Variants in ROBO1 observed in about 807,000 individuals in gnomAD.
The protein encoded by ROBO1 is roundabout guidance receptor 1, also known as roundabout homolog 1.
In ROBO1, 149 loss-of-function variants were observed where a neutral mutation model predicts 195.9. That is an observed-to-expected ratio of 0.76 (90% confidence interval 0.67 to 0.87). The LOEUF (loss-of-function observed/expected upper bound fraction) is 0.87. ROBO1 is among the 40% of genes least tolerant of loss of function. ROBO1 has a pLI of 0.00. For synonymous variants in ROBO1, 816 were observed against 733.2 expected (o/e 1.11, Z -1.82); for missense variants, 1,933 against 2,068.3 (o/e 0.93, Z 1.27).
At chr3:79,503,321 G>A (rs1462638109) in intron 2 of ROBO1, among the ~76,000 whole-genome samples, 2 of 152,212 alleles carry the variant, frequency 1.3e-5, no homozygotes, top group Middle Eastern at 3.4e-3. Flanking sequence ...AAGAAACTCC[G>A]AACACATGGG....
At chr3:79,742,279 G>A (rs900910588) in intron 1 of ROBO1, among the ~76,000 whole-genome samples, 1 of 152,156 alleles carries the variant, frequency 6.6e-6, no homozygotes, top group African/African-American at 2.4e-5. Flanking sequence ...CAGGCATGGG[G>A]GCCTAAGAGG....
intron 3 of ROBO1, among the ~76,000 whole-genome samples, chr3:79,026,472 C>A (rs1169287410): frequency 6.6e-6 from 1 of 151,986 alleles, no homozygotes; most frequent in Non-Finnish European, 1.5e-5. Flanking sequence ...GAAGTATATG[C>A]ATTTTTAGTT....
At chr3:78,976,093 G>T (rs1327469383) in intron 3 of ROBO1, among the ~76,000 whole-genome samples, 1 of 152,074 alleles carries the variant, frequency 6.6e-6, no homozygotes, top group African/African-American at 2.4e-5. Flanking sequence ...ATAGGCTATG[G>T]CATCGAATAA....
In ROBO1 at chr3:79,176,275, A is replaced by T. The variant is rs546873854; in HGVS notation, c.89-50736T>A. ...ATATCTAAAGGTAAAGCTTCAGAAGATGTCTTCTCTCTCTGCTTAATGTCA... is the reference window on the plus strand; with the variant it reads ...ATATCTAAAGGTAAAGCTTCAGAAGTTGTCTTCTCTCTCTGCTTAATGTCA... On this transcript the variant is annotated intron_variant, in intron 2 of 30. Coordinates refer to ENST00000464233, the MANE Select transcript of ROBO1 (RefSeq NM_002941.4). Among the ~76,000 whole-genome samples the T allele has an allele frequency of 2.0e-5, 3 of 152,300 alleles. No homozygotes were observed. In the East Asian group the frequency reaches 5.8e-4, roughly 29 times the overall value.
chr3:78,809,126 T>C (rs1359703663), intron 4 of ROBO1, among the ~76,000 whole-genome samples: 3 of 151,450 alleles, frequency 2.0e-5, no homozygotes, highest in Admixed American at 2.0e-4. Context: ...ATCCAGAATC[T>C]ATAAAGAACT....
chr3:79,192,945 C>T (rs1473012106), intron 2 of ROBO1, among the ~76,000 whole-genome samples: 2 of 151,336 alleles, frequency 1.3e-5, no homozygotes, highest in Non-Finnish European at 1.5e-5. Flanking sequence ...ACCAGAGAGG[C>T]GGTAGCAGAG....
chr3:79,306,272 A>G (rs1273359995), intron 2 of ROBO1, among the ~76,000 whole-genome samples: 1 of 152,240 alleles, frequency 6.6e-6, no homozygotes, highest in African/African-American at 2.4e-5. Context: ...TGGAAGGGGA[A>G]GAAGATAGGT....
chr3:78,771,955 T>G (rs763404699), intron 4 of ROBO1, among the ~76,000 whole-genome samples: 2 of 152,138 alleles, frequency 1.3e-5, no homozygotes, highest in African/African-American at 4.8e-5. Flanking sequence ...TTCACATTGC[T>G]ATTAAAACAA....
rs145169929 is a variant in ROBO1 at position 79,637,937 on chromosome 3, G to T, written c.-50-47976C>A. The stretch of plus-strand genomic sequence containing the variant: ...TTTTTTTAATTTTTTTATATGGATG[G>T]TTAGTATAAAGTGAATGTTGAGTAT... On this transcript the variant is annotated intron_variant, in intron 1 of 30. Coordinates refer to ENST00000464233, the MANE Select transcript of ROBO1 (RefSeq NM_002941.4). 1.2e-3 allele frequency among the ~76,000 whole-genome samples: 178 copies of T among 152,170 alleles called. 2 individuals are homozygous for T. The highest frequency in any genetic ancestry group is 3.9e-3 in the African/African-American group (164 of 41,546).
chr3:79,337,878 C>T (rs527571779), intron 2 of ROBO1, among the ~76,000 whole-genome samples: 82 of 152,084 alleles, frequency 5.4e-4, no homozygotes, highest in South Asian at 1.0e-3. Context: ...TTAAGTATAA[C>T]CAAGAAACAC....
chr3:79,759,282 C>T (rs751241297), intron 1 of ROBO1, among the ~76,000 whole-genome samples: 13 of 152,082 alleles, frequency 8.5e-5, no homozygotes, highest in East Asian at 7.7e-4. Context: ...AATTTCCTTT[C>T]GAAACATTTT....
At chr3:79,679,495 C>A (rs1296272301) in intron 1 of ROBO1, among the ~76,000 whole-genome samples, 3 of 151,920 alleles carry the variant, frequency 2.0e-5, no homozygotes, top group Non-Finnish European at 2.9e-5. Context: ...AAGTTGTGAA[C>A]AATTTTACTT....
intron 2 of ROBO1, among the ~76,000 whole-genome samples, chr3:79,329,343 C>T (rs575476929): frequency 2.6e-5 from 4 of 152,282 alleles, no homozygotes; most frequent in Admixed American, 6.5e-5. Flanking sequence ...CCCATGTGGA[C>T]TCATCAATGC....
intron 2 of ROBO1, among the ~76,000 whole-genome samples, chr3:79,563,306 GA>G (rs1222397568): frequency 6.6e-6 from 1 of 151,938 alleles, no homozygotes; most frequent in Non-Finnish European, 1.5e-5. Context: ...GTCTTCTAAA[GA>G]CATAAACTTC....
chr3:78,781,609 C>T (rs1045045446), intron 4 of ROBO1, among the ~76,000 whole-genome samples: 2 of 152,120 alleles, frequency 1.3e-5, no homozygotes, highest in African/African-American at 2.4e-5. Context: ...GTCCAGGTCT[C>T]ACACCTAGAT....
chr3:79,175,522 C>T (rs1468552164), intron 2 of ROBO1, among the ~76,000 whole-genome samples: 1 of 152,202 alleles, frequency 6.6e-6, no homozygotes, highest in African/African-American at 2.4e-5. Context: ...CTTCCTAACA[C>T]TGGAAAACTT....
chr3:79,763,045 G>T (rs980912855), intron 1 of ROBO1, among the ~76,000 whole-genome samples: 1 of 152,300 alleles, frequency 6.6e-6, no homozygotes, highest in East Asian at 1.9e-4. Flanking sequence ...CAGGGAGGAT[G>T]ATACCTGTGG....
At chr3:78,681,367 T>G (rs544977052) in intron 10 of ROBO1, among the ~76,000 whole-genome samples, 155 of 152,222 alleles carry the variant, frequency 1.0e-3, no homozygotes, top group African/African-American at 3.7e-3. Context: ...ATTTGCCACA[T>G]GAGGCATTCT....
At chr3:79,547,427 A>G (rs867042629) in intron 2 of ROBO1, among the ~76,000 whole-genome samples, 4 of 152,188 alleles carry the variant, frequency 2.6e-5, no homozygotes, top group Admixed American at 6.5e-5. Flanking sequence ...TTTCTCTAGA[A>G]GTTTTTACAT....
Sources: gnomAD v4.1 joint callset for allele counts (sites outside exome capture counted in the v4.1 genomes callset) on GRCh38, gnomAD v4.1.1 for gene constraint, MANE v1.5 for transcripts, NCBI Gene and HGNC (gene_info 2026-07-23, HGNC 2026-07-21) for gene names.